GRB10: variants seen among roughly 807,000 people sequenced by gnomAD.
GRB10 encodes the protein growth factor receptor-bound protein 10.
A neutral mutation model predicts 80.9 loss-of-function variants in GRB10; 20 were observed. That is an observed-to-expected ratio of 0.25 (90% CI 0.17 to 0.36). GRB10 has a LOEUF of 0.36. GRB10 is among the 10% of genes least tolerant of loss of function. The pLI, the probability that GRB10 is intolerant of heterozygous loss-of-function variation, is 1.00. For synonymous variants in GRB10, 291 were observed against 291.5 expected (o/e 1.00, Z 0.02); for missense variants, 548 against 747.7 (o/e 0.73, Z 3.12).
At chr7:50,755,565 C>A (rs2074944746) in intron 3 of GRB10, among the ~76,000 whole-genome samples, 1 of 152,118 alleles carries the variant, frequency 6.6e-6, no homozygotes, top group South Asian at 2.1e-4. Flanking sequence ...ATCACCCCCA[C>A]CATATGGAAG....
At chr7:50,605,239 G>T in intron 15 of GRB10, 51 bp downstream of exon 15, 1 of 1,388,022 alleles carries the variant, frequency 7.2e-7, no homozygotes. Context: ...CACGTGGTGG[G>T]GCTACCACCT....
At chr7:50,625,481 T>C (rs2052711368) in intron 8 of GRB10, among the ~76,000 whole-genome samples, 1 of 152,204 alleles carries the variant, frequency 6.6e-6, no homozygotes, top group African/African-American at 2.4e-5. Context: ...TACTTGTGTG[T>C]CAACAGGTGC....
intron 7 of GRB10, among the ~76,000 whole-genome samples, chr7:50,641,076 C>A (rs7794604): frequency 6.6e-6 from 1 of 151,472 alleles, no homozygotes; most frequent in Non-Finnish European, 1.5e-5. Flanking sequence ...CGCCTACCAC[C>A]GTTGCTGGGA....
intron 5 of GRB10, among the ~76,000 whole-genome samples, chr7:50,693,227 A>G (rs949586626): frequency 6.6e-6 from 1 of 152,148 alleles, no homozygotes; most frequent in Non-Finnish European, 1.5e-5. Flanking sequence ...AGGAAAAAAA[A>G]CAAAATTTTT....
chr7:50,772,960 C>T (rs1178411635), intron 2 of GRB10, among the ~76,000 whole-genome samples: 1 of 152,218 alleles, frequency 6.6e-6, no homozygotes, highest in East Asian at 1.9e-4. Context: ...TGTATTAGTC[C>T]GTTTTCATGC....
In GRB10 at chr7:50,633,378, G is replaced by C. The variant is rs561409353; in HGVS notation, c.505-6400C>G. Among the ~76,000 whole-genome samples the C allele has an allele frequency of 4.6e-5, 7 of 152,166 alleles. No homozygotes were observed. In the South Asian group the frequency reaches 1.5e-3, roughly 32 times the overall value. The stretch of plus-strand genomic sequence containing the variant: ...GACAAAGGAACTTAACCAACATACA[G>C]AACAGTCACATCCTCAAGGTGGGGG... On this transcript the variant is annotated intron_variant, in intron 7 of 18. Transcript: ENST00000401949.
chr7:50,724,721 G>C (rs2068312818), intron 4 of GRB10, among the ~76,000 whole-genome samples: 1 of 152,160 alleles, frequency 6.6e-6, no homozygotes, highest in African/African-American at 2.4e-5. Context: ...AAGGAGCTGG[G>C]GGCTGGCTGG....
At chr7:50,665,646 C>G (rs2059721729) in intron 7 of GRB10, among the ~76,000 whole-genome samples, 1 of 152,224 alleles carries the variant, frequency 6.6e-6, no homozygotes, top group South Asian at 2.1e-4. Flanking sequence ...TAGCAACGAG[C>G]CTGGGTGGGA....
intron 4 of GRB10, among the ~76,000 whole-genome samples, chr7:50,709,571 C>T (rs1266474767): frequency 5.9e-5 from 6 of 101,390 alleles, no homozygotes; most frequent in Admixed American, 5.3e-4. Context: ...TTTTTTGCTC[C>T]CCACCCCCAC....
intron 13 of GRB10, among the ~76,000 whole-genome samples, chr7:50,611,942 G>A (rs1282712638): frequency 2.0e-5 from 3 of 152,148 alleles, no homozygotes; most frequent in African/African-American, 7.2e-5. Flanking sequence ...AACTCACAAG[G>A]ACTCTGTAGA....
intron 4 of GRB10, 90 bp downstream of exon 4, chr7:50,732,182 A>G: frequency 7.3e-7 from 1 of 1,363,090 alleles, no homozygotes; most frequent in Non-Finnish European, 1.0e-6. Flanking sequence ...TGAGAGCTAC[A>G]GAAACGATCC....
chr7:50,738,039 AG>A (rs2071111824), intron 3 of GRB10, among the ~76,000 whole-genome samples: 1 of 152,244 alleles, frequency 6.6e-6, no homozygotes, highest in Non-Finnish European at 1.5e-5. Flanking sequence ...ACTAGTCGTT[AG>A]GGAAATGCAA....
intron 1 of GRB10, among the ~76,000 whole-genome samples, chr7:50,791,362 C>T (rs758152717): frequency 6.6e-6 from 1 of 152,190 alleles, no homozygotes; most frequent in Non-Finnish European, 1.5e-5. Flanking sequence ...CATCATTCTC[C>T]GAGTGTGTGA....
chr7:50,751,981 T>C (rs1488044232), intron 3 of GRB10, among the ~76,000 whole-genome samples: 1 of 152,210 alleles, frequency 6.6e-6, no homozygotes, highest in Non-Finnish European at 1.5e-5. Context: ...TTAAAGACAC[T>C]TTACTTAAAT....
At chr7:50,761,220 C>T (rs1033476499) in intron 2 of GRB10, among the ~76,000 whole-genome samples, 4 of 152,166 alleles carry the variant, frequency 2.6e-5, no homozygotes, top group Non-Finnish European at 5.9e-5. Flanking sequence ...TGAATCCCTG[C>T]CACACGGTTT....
chr7:50,641,250 T>A (rs907322107), intron 7 of GRB10, among the ~76,000 whole-genome samples: 2 of 149,646 alleles, frequency 1.3e-5, no homozygotes, highest in African/African-American at 2.5e-5. Flanking sequence ...ACTTCTACTA[T>A]GCTTGAATTT....
upstream of GRB10, among the ~76,000 whole-genome samples, chr7:50,784,150 G>A (rs114334956): frequency 1.5e-4 from 23 of 152,312 alleles, no homozygotes; most frequent in African/African-American, 5.5e-4. Context: ...TAGCGCTTTT[G>A]ACTCTAACTG....
At chr7:50,616,678 T>A (rs1229041970) in intron 10 of GRB10, among the ~76,000 whole-genome samples, 1 of 152,210 alleles carries the variant, frequency 6.6e-6, no homozygotes, top group Non-Finnish European at 1.5e-5. Context: ...TGATTGGGAC[T>A]CTGGAGACTG....
At chr7:50,609,285 T>C (rs995841523) in intron 13 of GRB10, among the ~76,000 whole-genome samples, 4 of 151,884 alleles carry the variant, frequency 2.6e-5, no homozygotes, top group African/African-American at 7.3e-5. Context: ...CCCAGAAAAG[T>C]AGAAAAAAGA....
Sources: gnomAD v4.1 joint callset for allele counts (sites outside exome capture counted in the v4.1 genomes callset) on GRCh38, gnomAD v4.1.1 for gene constraint, MANE v1.5 for transcripts, NCBI Gene and HGNC (gene_info 2026-07-23, HGNC 2026-07-21) for gene names.